PIK3AP1: variants seen among roughly 807,000 people sequenced by gnomAD.
PIK3AP1 encodes the protein phosphoinositide-3-kinase adaptor protein 1.
Under a neutral mutation model 88.1 loss-of-function variants are expected in PIK3AP1, and 21 were observed. That is an observed-to-expected ratio of 0.24 (90% CI 0.17 to 0.34). PIK3AP1 has a LOEUF of 0.34. Among genes scored for constraint, PIK3AP1 ranks in the 10% least tolerant of loss-of-function variants. The probability of loss-of-function intolerance (pLI) is 1.00; values close to 1 mark genes in which losing one functional copy is unlikely to be tolerated. For synonymous variants in PIK3AP1, 398 were observed against 400.0 expected (o/e 1.00, Z 0.06); for missense variants, 828 against 1,035.7 (o/e 0.80, Z 2.75).
chr10:96,617,737 A>G (rs929169245), intron 12 of PIK3AP1, among the ~76,000 whole-genome samples: 2 of 152,200 alleles, frequency 1.3e-5, no homozygotes, highest in South Asian at 2.1e-4. Context: ...GAGCGGAAGC[A>G]CGGGAGAAGG....
chr10:96,616,030 G>A (rs1849209929), intron 13 of PIK3AP1, among the ~76,000 whole-genome samples: 1 of 152,232 alleles, frequency 6.6e-6, no homozygotes. Context: ...CTCTCTGTGG[G>A]AAGATGCATT....
intron 2 of PIK3AP1, among the ~76,000 whole-genome samples, chr10:96,665,368 A>G (rs1261394880): frequency 6.6e-6 from 1 of 152,190 alleles, no homozygotes; most frequent in Non-Finnish European, 1.5e-5. Context: ...GAACATTGGT[A>G]TATTTCACCT....
chr10:96,708,312 C>T (rs545972836), intron 2 of PIK3AP1, among the ~76,000 whole-genome samples: 10 of 152,092 alleles, frequency 6.6e-5, no homozygotes, highest in East Asian at 1.9e-4. Flanking sequence ...TGGTGGCTCA[C>T]GCCTGTAATC....
intron 2 of PIK3AP1, among the ~76,000 whole-genome samples, chr10:96,699,044 C>T (rs979897788): frequency 2.0e-5 from 3 of 151,712 alleles, no homozygotes; most frequent in Non-Finnish European, 2.9e-5. Flanking sequence ...ATTAGCCAGG[C>T]GTGGTGGCGC....
Position 96,628,256 on chromosome 10 carries a change from C to G in PIK3AP1, c.1471+142G>C. ...CTCAGGGTAGAGGGGTCGGGGGAGGCAGAGTGCCTTTATTCACATCACATG... is the reference window on the plus strand; with the variant it reads ...CTCAGGGTAGAGGGGTCGGGGGAGGGAGAGTGCCTTTATTCACATCACATG... On this transcript the variant is annotated intron_variant, in intron 9 of 16. Coordinates refer to ENST00000339364, the MANE Select transcript of PIK3AP1 (RefSeq NM_152309.3). The G allele has an allele frequency of 7.9e-6, 6 of 755,200 alleles. No individual in the cohort carries two copies. In the South Asian group the frequency reaches 8.0e-5, roughly 10 times the overall value. The allele number at this position is 755,200 out of a possible 1,614,324, so 46.8% of individuals were successfully genotyped here.
chr10:96,598,038 T>G (rs1204971726), intron 16 of PIK3AP1, among the ~76,000 whole-genome samples: 3 of 124,846 alleles, frequency 2.4e-5, no homozygotes, highest in African/African-American at 8.7e-5. Context: ...TTTTTGTTTT[T>G]TTGTTGTTTT....
chr10:96,614,321 A>G (rs1257380514), intron 13 of PIK3AP1, among the ~76,000 whole-genome samples: 2 of 152,092 alleles, frequency 1.3e-5, no homozygotes, highest in East Asian at 3.9e-4. Flanking sequence ...CTCTAGTTTT[A>G]AAAAGCATCT....
chr10:96,690,538 T>A (rs2134273325), intron 2 of PIK3AP1, among the ~76,000 whole-genome samples: 1 of 152,290 alleles, frequency 6.6e-6, no homozygotes, highest in South Asian at 2.1e-4. Flanking sequence ...GAATTATAGG[T>A]GTGAACCATT....
At chr10:96,614,522 C>T (rs1001451515) in intron 13 of PIK3AP1, among the ~76,000 whole-genome samples, 1 of 151,826 alleles carries the variant, frequency 6.6e-6, no homozygotes, top group Non-Finnish European at 1.5e-5. Flanking sequence ...ACCTCTCTGA[C>T]CTTCTGCGAT....
intron 2 of PIK3AP1, among the ~76,000 whole-genome samples, chr10:96,675,400 T>C (rs1255690808): frequency 6.6e-6 from 1 of 152,180 alleles, no homozygotes; most frequent in Non-Finnish European, 1.5e-5. Flanking sequence ...ATCTTGCGTC[T>C]TCCGGAAATG....
rs891601757 is a variant in PIK3AP1, at chr10:96,652,836, T to C, written c.574A>G (p.Thr192Ala). 8 of 1,613,164 alleles carry C rather than the reference T, an allele frequency of 5.0e-6. No individual in the cohort carries two copies. The highest frequency in any genetic ancestry group is 6.8e-6 in the Non-Finnish European group (8 of 1,179,892). The change falls in exon 4 of 17, where the codon ACC (threonine) becomes GCC (alanine). Residue 192 changes from threonine (T) to alanine (A), a missense_variant. This residue lies in a region of PIK3AP1 where 610 missense variants were observed against 760.1 expected (regional missense o/e 0.80). Coordinates refer to ENST00000339364, the MANE Select transcript of PIK3AP1 (RefSeq NM_152309.3). ...QPDRIRCGAE[T>A]TVYVIVRCKL... ...CATCTCACAATAACATAGACAGTGG[T>C]TTCTGCCTGAAACGGGAAGCCGGTC... is the stretch of plus-strand genomic sequence containing the variant.
chr10:96,640,071 G>A (rs540562224), intron 8 of PIK3AP1, among the ~76,000 whole-genome samples: 1 of 152,266 alleles, frequency 6.6e-6, no homozygotes, highest in East Asian at 1.9e-4. Flanking sequence ...AGGGAAGCTG[G>A]CAAGTTAGCT....
At chr10:96,646,132 C>T (rs755385111) in intron 7 of PIK3AP1, among the ~76,000 whole-genome samples, 60 of 152,006 alleles carry the variant, frequency 3.9e-4, no homozygotes, top group Non-Finnish European at 7.1e-4. Context: ...TGGTGGAGCA[C>T]GCTTGGAATC....
At chr10:96,657,016 A>T in intron 2 of PIK3AP1, 82 bp from the exon 3 acceptor site, 34 of 1,430,424 alleles carry the variant, frequency 2.4e-5, no homozygotes, top group Non-Finnish European at 2.4e-5. Context: ...AGCCCCAAAT[A>T]TTGCAAAATA....
At chr10:96,629,909 CAAAAAAA>C (rs66669261) in intron 8 of PIK3AP1, among the ~76,000 whole-genome samples, 1 of 5,414 alleles carries the variant, frequency 1.8e-4, no homozygotes, top group African/African-American at 2.5e-4. Context: ...CAACAACAAC[CAAAAAAA>C]AAAAAAAAAA....
chr10:96,711,917 A>AT lies in PIK3AP1; in HGVS notation c.14-1935dup, dbSNP rs1408302072. Among the ~76,000 whole-genome samples the AT allele has an allele frequency of 3.2e-3, 467 of 145,530 alleles. 1 individual carries two copies. Among genetic ancestry groups the AT allele is most frequent in the African/African-American group, 0.01 (408 of 40,136 alleles). ...AGGCGCCCGCCATCACGCCCGGCTA[A>AT]TTTTTTTTTTTTATTTTTAGTAGAG... On this transcript the variant is annotated intron_variant, in intron 1 of 16. Transcript: ENST00000339364.
intron 16 of PIK3AP1, among the ~76,000 whole-genome samples, chr10:96,600,982 A>T (rs754968904): frequency 3.7e-4 from 57 of 152,210 alleles, no homozygotes; most frequent in Non-Finnish European, 6.8e-4. Context: ...CCCAAGTATC[A>T]TATAAACAAA....
At chr10:96,646,504 C>T (rs1031337341) in intron 7 of PIK3AP1, among the ~76,000 whole-genome samples, 1 of 152,106 alleles carries the variant, frequency 6.6e-6, no homozygotes, top group Non-Finnish European at 1.5e-5. Flanking sequence ...AAAAATGACA[C>T]AAGAAGGTGT....
At position 96,628,625 on chromosome 10, in the gene PIK3AP1, A is replaced by T. The variant is rs141038288; in HGVS notation, c.1376-132T>A. ...CATTCATCAATCTATCCATCCCTCCATCCATCCACCTACTCAAGGACACCC... is the reference window on the plus strand; with the variant it reads ...CATTCATCAATCTATCCATCCCTCCTTCCATCCACCTACTCAAGGACACCC... On this transcript the variant is annotated intron_variant, in intron 8 of 16. Coordinates refer to ENST00000339364, the MANE Select transcript of PIK3AP1 (RefSeq NM_152309.3). The T allele has an allele frequency of 9.9e-4, 748 of 755,794 alleles. 2 individuals are homozygous for T. Among genetic ancestry groups the T allele is most frequent in the Middle Eastern group, 2.6e-3 (7 of 2,732 alleles). 46.8% of individuals were successfully genotyped at this position (755,794 alleles called of 1,614,324 possible).
Sources: allele counts gnomAD v4.1 joint callset (sites outside exome capture counted in the v4.1 genomes callset), GRCh38; gene constraint gnomAD v4.1.1; regional missense constraint gnomAD v4.1.1; transcripts MANE v1.5; gene names NCBI Gene and HGNC (gene_info 2026-07-23, HGNC 2026-07-21).